The following MTUS2 variants were observed in gnomAD, a reference collection of about 807,000 sequenced individuals.
MTUS2 encodes the protein microtubule associated scaffold protein 2, also known as microtubule-associated tumor suppressor candidate 2.
MTUS2 carries 40 observed loss-of-function variants against 114.1 expected under a neutral mutation model. That is an observed-to-expected ratio of 0.35 (90% CI 0.27 to 0.46). The LOEUF (loss-of-function observed/expected upper bound fraction) is 0.46. Among genes scored for constraint, MTUS2 ranks in the 20% least tolerant of loss-of-function variants. The pLI, the probability that MTUS2 is intolerant of heterozygous loss-of-function variation, is 1.00. For missense variants in MTUS2, 1,679 were observed against 1,705.4 expected, an observed-to-expected ratio of 0.98 and a Z score of 0.27; for synonymous variants, 688 against 672.0, an observed-to-expected ratio of 1.02 and a Z score of -0.37.
At chr13:28,977,161 G>A (rs1884150613) in intron 2 of MTUS2, among the ~76,000 whole-genome samples, 1 of 152,104 alleles carries the variant, frequency 6.6e-6, no homozygotes, top group Admixed American at 6.5e-5. Context: ...GTCATTGCGG[G>A]GGAGAGGGGA....
intron 8 of MTUS2, among the ~76,000 whole-genome samples, chr13:29,371,749 A>G (rs1871203852): frequency 6.6e-6 from 1 of 152,140 alleles, no homozygotes. Context: ...CAGCACTGCC[A>G]AAAGATAGGC....
chr13:28,987,254 A>C (rs1265987618), intron 2 of MTUS2, among the ~76,000 whole-genome samples: 1 of 152,090 alleles, frequency 6.6e-6, no homozygotes, highest in African/African-American at 2.4e-5. Context: ...CTGGGTGAAA[A>C]GATGGAGAAG....
intron 2 of MTUS2, among the ~76,000 whole-genome samples, chr13:28,875,248 C>G (rs1877861152): frequency 6.6e-6 from 1 of 150,446 alleles, no homozygotes; most frequent in South Asian, 2.1e-4. Context: ...ATAAACAAAT[C>G]TAGTAGATAC....
At chr13:29,034,938 T>C (rs922485671) in intron 4 of MTUS2, among the ~76,000 whole-genome samples, 2 of 152,236 alleles carry the variant, frequency 1.3e-5, no homozygotes, top group Non-Finnish European at 2.9e-5. Flanking sequence ...AGTTTTACTT[T>C]ATGCACAAAA....
chr13:29,113,663 C>T (rs1306430050), intron 5 of MTUS2, among the ~76,000 whole-genome samples: 3 of 151,948 alleles, frequency 2.0e-5, no homozygotes, highest in South Asian at 2.1e-4. Flanking sequence ...ACTGGATTAT[C>T]GGTTTGGATT....
At chr13:29,220,015 G>A (rs145055080) in intron 5 of MTUS2, among the ~76,000 whole-genome samples, 2,103 of 146,978 alleles carry the variant, frequency 0.014, 46 homozygotes, top group African/African-American at 0.05. Flanking sequence ...TTTTTTTTGA[G>A]ACAGAGTTTT....
At chr13:29,292,599 G>C (rs17073170) in intron 6 of MTUS2, among the ~76,000 whole-genome samples, 1 of 152,036 alleles carries the variant, frequency 6.6e-6, no homozygotes, top group African/African-American at 2.4e-5. Flanking sequence ...AGGAGTTCAC[G>C]GTACGATGGA....
chr13:28,998,684 G>A (rs139398697), intron 2 of MTUS2, among the ~76,000 whole-genome samples: 7,208 of 152,198 alleles, frequency 0.047, 216 homozygotes, highest in South Asian at 0.071. Context: ...TGATCGCATC[G>A]GTTACTGAGG....
chr13:29,058,581 TA>T (rs749201518), intron 4 of MTUS2, among the ~76,000 whole-genome samples: 2,198 of 60,544 alleles, frequency 0.036, 24 homozygotes, highest in Non-Finnish European at 0.056. Flanking sequence ...TTTTTTTTTT[TA>T]ATTATTATTT....
At chr13:29,040,133 C>T (rs1239398919) in intron 4 of MTUS2, among the ~76,000 whole-genome samples, 2 of 152,160 alleles carry the variant, frequency 1.3e-5, no homozygotes, top group African/African-American at 4.8e-5. Context: ...CCACCCATTC[C>T]CCAAGTCCCC....
rs112530109 is a variant in MTUS2 at position 29,125,228 on chromosome 13, A to G, written c.2644+24258A>G. The stretch of plus-strand genomic sequence containing the variant: ...AACTATAGGACAGCTTGTAGGGCCA[A>G]TGGGGTGTAGGTGTTTACATCCAAT... On this transcript the variant is annotated intron_variant, in intron 5 of 15. Coordinates refer to ENST00000612955, the MANE Select transcript of MTUS2 (RefSeq NM_001033602.4). Among the ~76,000 whole-genome samples, 1,156 of 152,320 alleles carry G rather than the reference A, an allele frequency of 7.6e-3. 21 individuals are homozygous for G. Among genetic ancestry groups the G allele is most frequent in the African/African-American group, 0.026 (1,091 of 41,568 alleles).
intron 2 of MTUS2, among the ~76,000 whole-genome samples, chr13:28,978,465 G>A (rs9551582): frequency 0.16 from 24,708 of 152,040 alleles, 2,594 homozygotes; most frequent in East Asian, 0.51. Flanking sequence ...ATGAGAAGGG[G>A]GATATCATTT....
rs368550659 is a variant in MTUS2 at position 29,357,348 on chromosome 13, C to A, written c.2906-1914C>A. ...TCTGTACCATAGGTTACAATTAGCTCTAATTCACTGAGCTGGAAATTGTTT... is the reference window on the plus strand; with the variant it reads ...TCTGTACCATAGGTTACAATTAGCTATAATTCACTGAGCTGGAAATTGTTT... On this transcript the variant is annotated intron_variant, in intron 7 of 15. Transcript: ENST00000612955. Among the ~76,000 whole-genome samples, 5 of 152,300 alleles carry A rather than the reference C, an allele frequency of 3.3e-5. No individual in the cohort carries two copies. In the East Asian group the frequency reaches 9.6e-4, roughly 29 times the overall value.
intron 6 of MTUS2, among the ~76,000 whole-genome samples, chr13:29,302,300 T>C (rs1899239073): frequency 6.6e-6 from 1 of 152,138 alleles, no homozygotes; most frequent in African/African-American, 2.4e-5. Context: ...AGTGAGTGAT[T>C]GTGCAACCCC....
intron 4 of MTUS2, among the ~76,000 whole-genome samples, chr13:29,098,894 A>T (rs1201368848): frequency 4.6e-5 from 7 of 152,196 alleles, no homozygotes; most frequent in Non-Finnish European, 1.0e-4. Context: ...ATTTTGCATA[A>T]TTATTGATTA....
At chr13:29,004,559 C>T (rs1318367893) in intron 2 of MTUS2, among the ~76,000 whole-genome samples, 1 of 152,118 alleles carries the variant, frequency 6.6e-6, no homozygotes, top group Non-Finnish European at 1.5e-5. Context: ...AAACATGGAT[C>T]TTTTGTGTAA....
chr13:29,281,704 G>A lies in MTUS2; in HGVS notation c.2645G>A (p.Arg882His), dbSNP rs201007257. 4 of 1,604,484 alleles carry A rather than the reference G, an allele frequency of 2.5e-6. No homozygotes were observed. Among genetic ancestry groups the A allele is most frequent in the African/African-American group, 2.7e-5 (2 of 74,812 alleles). The stretch of plus-strand genomic sequence containing the variant: ...TTAACACGCTGTCTGCCTCCCACAG[G>A]TTCAACCTTTGGGAATGAAGAACAG... Reference protein sequence around the residue: ...AQPEQGRPATRSTFGNEEQPV... With the variant: ...AQPEQGRPATHSTFGNEEQPV... Residue 882 changes from arginine (R) to histidine (H), a missense_variant and splice_region_variant, in exon 6 of 16, where the codon CGT (arginine) becomes CAT (histidine). Physicochemically the swap from Arg to His is conservative, Grantham distance 29 (BLOSUM62 0). This residue lies in a region of MTUS2 where 822 missense variants were observed against 899.7 expected (regional missense o/e 0.91). Coordinates refer to ENST00000612955, the MANE Select transcript of MTUS2 (RefSeq NM_001033602.4).
chr13:29,331,216 C>G (rs1900763518), intron 7 of MTUS2, among the ~76,000 whole-genome samples: 1 of 152,160 alleles, frequency 6.6e-6, no homozygotes, highest in South Asian at 2.1e-4. Context: ...TGGGAGTTCA[C>G]TCATGATTTG....
chr13:28,939,761 G>A (rs1242488364), intron 2 of MTUS2, among the ~76,000 whole-genome samples: 3 of 152,022 alleles, frequency 2.0e-5, no homozygotes, highest in South Asian at 2.1e-4. Context: ...CTAAGAGAAC[G>A]TAAGTGTCTT....
Sources: allele counts gnomAD v4.1 joint callset (sites outside exome capture counted in the v4.1 genomes callset), GRCh38; gene constraint gnomAD v4.1.1; regional missense constraint gnomAD v4.1.1; transcripts MANE v1.5; gene names NCBI Gene and HGNC (gene_info 2026-07-23, HGNC 2026-07-21).